The following SENP7 variants were observed in gnomAD, a reference collection of about 807,000 sequenced individuals.
SENP7 encodes sentrin-specific protease 7.
A neutral mutation model predicts 141.2 loss-of-function variants in SENP7; 64 were observed. The observed-to-expected ratio is 0.45, with a 90% CI of 0.37 to 0.56. The LOEUF is 0.56. Among genes scored for constraint, SENP7 ranks in the 20% least tolerant of loss-of-function variants. SENP7 has a pLI of 0.00. For synonymous variants in SENP7, 382 were observed against 426.4 expected, an observed-to-expected ratio of 0.90 and a Z score of 1.28; for missense variants, 1,025 against 1,212.2, an observed-to-expected ratio of 0.85 and a Z score of 2.29.
At chr3:101,328,625 A>G in intron 21 of SENP7, 21 bp downstream of exon 21, 1 of 1,605,542 alleles carries the variant, frequency 6.2e-7, no homozygotes, top group Non-Finnish European at 8.5e-7. Context: ...AAACTGTATT[A>G]TTATTACAGC....
chr3:101,365,872 T>C (rs1361016737), intron 9 of SENP7, among the ~76,000 whole-genome samples: 1 of 152,112 alleles, frequency 6.6e-6, no homozygotes, highest in East Asian at 1.9e-4. Flanking sequence ...GAGGAGGCCT[T>C]AGTAACAAAT....
intron 1 of SENP7, among the ~76,000 whole-genome samples, chr3:101,509,782 A>G (rs2065774984): frequency 6.6e-6 from 1 of 152,234 alleles, no homozygotes; most frequent in African/African-American, 2.4e-5. Context: ...ATGAAGTTAA[A>G]ACTATAGATT....
chr3:101,488,077 C>A (rs887859815), intron 3 of SENP7, among the ~76,000 whole-genome samples: 5 of 152,138 alleles, frequency 3.3e-5, no homozygotes, highest in African/African-American at 1.2e-4. Context: ...GACACTGATG[C>A]TTCCAATCCA....
chr3:101,412,969 G>C (rs754625257), intron 5 of SENP7, among the ~76,000 whole-genome samples: 1 of 152,000 alleles, frequency 6.6e-6, no homozygotes, highest in Non-Finnish European at 1.5e-5. Context: ...GATTTGAACT[G>C]TCTTTTCTAT....
At chr3:101,488,426 T>G (rs1487251069) in intron 3 of SENP7, among the ~76,000 whole-genome samples, 2 of 152,174 alleles carry the variant, frequency 1.3e-5, no homozygotes, top group Non-Finnish European at 2.9e-5. Flanking sequence ...TATGTGAGAT[T>G]ATGTAAAGAG....
At chr3:101,428,552 T>A (rs780284896) in intron 4 of SENP7, among the ~76,000 whole-genome samples, 3 of 152,250 alleles carry the variant, frequency 2.0e-5, no homozygotes, top group Non-Finnish European at 4.4e-5. Flanking sequence ...GTTCTCTTTT[T>A]CTTCTTGTAA....
chr3:101,419,179 A>G (rs188631876), intron 4 of SENP7, among the ~76,000 whole-genome samples: 19 of 152,350 alleles, frequency 1.2e-4, no homozygotes, highest in Non-Finnish European at 2.4e-4. Flanking sequence ...TCCAAAAAAC[A>G]GGACAAAATG....
chr3:101,411,671 C>T (rs2061461829), intron 5 of SENP7, among the ~76,000 whole-genome samples: 1 of 152,114 alleles, frequency 6.6e-6, no homozygotes, highest in African/African-American at 2.4e-5. Context: ...TGAATTTCTG[C>T]AAGGAATTGA....
At chr3:101,391,631 G>A (rs548007035) in intron 6 of SENP7, among the ~76,000 whole-genome samples, 4 of 152,178 alleles carry the variant, frequency 2.6e-5, no homozygotes, top group African/African-American at 9.6e-5. Context: ...AGGACTGGAC[G>A]GTTTTATTGC....
At chr3:101,347,235 AAAAG>A (rs979077790) in intron 13 of SENP7, 4 of 152,114 alleles carry the variant, frequency 2.6e-5, no homozygotes, top group African/African-American at 9.7e-5. Flanking sequence ...CAAAAAGAAA[AAAAG>A]GAAGGAAAGT....
chr3:101,388,461 C>T (rs937256214), intron 6 of SENP7, among the ~76,000 whole-genome samples: 1 of 152,194 alleles, frequency 6.6e-6, no homozygotes, highest in African/African-American at 2.4e-5. Context: ...TAGCATCTTA[C>T]TCAAGCAACA....
At chr3:101,437,019 A>G (rs2062416555) in intron 4 of SENP7, among the ~76,000 whole-genome samples, 1 of 152,268 alleles carries the variant, frequency 6.6e-6, no homozygotes, top group Non-Finnish European at 1.5e-5. Context: ...ACATATATAC[A>G]ATGGAGTATA....
At chr3:101,403,183 C>T (rs1159540454) in intron 5 of SENP7, among the ~76,000 whole-genome samples, 1 of 152,190 alleles carries the variant, frequency 6.6e-6, no homozygotes, top group Non-Finnish European at 1.5e-5. Context: ...CAATAAAACA[C>T]GTCACACAAA....
chr3:101,369,218 T>C (rs1345660714), intron 7 of SENP7, among the ~76,000 whole-genome samples: 2 of 152,234 alleles, frequency 1.3e-5, no homozygotes, highest in Non-Finnish European at 2.9e-5. Flanking sequence ...TCTGAATCTA[T>C]GTCATACAAG....
intron 6 of SENP7, among the ~76,000 whole-genome samples, chr3:101,374,931 T>C (rs1397743313): frequency 6.6e-6 from 1 of 151,480 alleles, no homozygotes; most frequent in Non-Finnish European, 1.5e-5. Flanking sequence ...AAAAAATAAA[T>C]AACAATTAAA....
chr3:101,420,244 T>TGA (rs1338234550), intron 4 of SENP7, among the ~76,000 whole-genome samples: 2 of 152,134 alleles, frequency 1.3e-5, no homozygotes, highest in Non-Finnish European at 2.9e-5. Context: ...GGCGGGCACC[T>TGA]GTAGTCCCAG....
In SENP7 at chr3:101,467,169, A is replaced by C. The variant is rs181528956; in HGVS notation, c.187-8117T>G. On this transcript the variant is annotated intron_variant, in intron 3 of 23. Transcript: ENST00000394095. ...ATTGCTGAGGCTTGAGTAGGTAAAC[A>C]AAGTGGCCGGGCAGCTAGAACAGGG... 1.2e-3 allele frequency among the ~76,000 whole-genome samples: 178 copies of C among 152,346 alleles called. 1 individual carries two copies. The highest frequency in any genetic ancestry group is 1.7e-3 in the Non-Finnish European group (113 of 68,032).
chr3:101,437,513 A>G (rs2062437217), intron 4 of SENP7, among the ~76,000 whole-genome samples: 1 of 152,092 alleles, frequency 6.6e-6, no homozygotes, highest in African/African-American at 2.4e-5. Context: ...ATGTACCCAC[A>G]AAAAAATTTT....
intron 3 of SENP7, among the ~76,000 whole-genome samples, chr3:101,481,586 C>T (rs964861453): frequency 1.3e-5 from 2 of 151,974 alleles, no homozygotes; most frequent in African/African-American, 2.4e-5. Flanking sequence ...TAGTAGAATA[C>T]GGTGACTATA....
Sources: gnomAD v4.1 joint callset for allele counts (sites outside exome capture counted in the v4.1 genomes callset) on GRCh38, gnomAD v4.1.1 for gene constraint, MANE v1.5 for transcripts, NCBI Gene and HGNC (gene_info 2026-07-23, HGNC 2026-07-21) for gene names.